HLCS: variants seen among roughly 807,000 people sequenced by gnomAD.
HLCS encodes biotin--protein ligase.
In HLCS, 53 loss-of-function variants were observed where a neutral mutation model predicts 75.0. The observed-to-expected ratio is 0.71, with a 90% CI of 0.57 to 0.89. HLCS has a LOEUF of 0.89. HLCS is among the 40% of genes least tolerant of loss of function. HLCS has a pLI of 0.00. For synonymous variants in HLCS, 431 were observed against 428.6 expected (o/e 1.01, Z -0.07); for missense variants, 966 against 1,074.0 (o/e 0.90, Z 1.41).
In HLCS at chr21:36,897,051, AAG is replaced by A. The variant is rs1555930523; in HGVS notation, c.1699_1700del (p.Leu567Ter). ...EGEIKSGQLSLRFVSSYVSEV... is the reference protein window; with the variant it reads ...EGEIKSGQLSXRFVSSYVSEV... Reference sequence around the variant, plus strand: ...CAGACACGTAGGATGAAACAAATCTAAGAGAGAGCTGGCCGGATTTTATTTCT... The same window carrying A: ...CAGACACGTAGGATGAAACAAATCTAAGAGAGCTGGCCGGATTTTATTTCT... On this transcript the variant is annotated frameshift_variant, in exon 6 of 11. Coordinates refer to ENST00000674895, the MANE Select transcript of HLCS (RefSeq NM_001352514.2). LOFTEE classifies it high-confidence loss of function. 6.2e-7 allele frequency: 1 copy of A among 1,614,148 alleles called. No homozygotes were observed. Among genetic ancestry groups the A allele is most frequent in the Non-Finnish European group, 8.5e-7 (1 of 1,179,994 alleles).
chr21:36,817,658 G>A (rs986916174), intron 6 of HLCS, among the ~76,000 whole-genome samples: 35 of 152,142 alleles, frequency 2.3e-4, no homozygotes, highest in Non-Finnish European at 1.2e-4. Context: ...CGAACTTTAC[G>A]TTAGAGACAT....
rs2123527889 is a variant in HLCS, at chr21:36,749,894, A to C, written c.*4352T>G. The C allele has an allele frequency of 6.6e-6, 1 of 152,350 alleles. No individual in the cohort carries two copies. The highest frequency in any genetic ancestry group is 1.9e-4 in the East Asian group (1 of 5,196). 9.4% of individuals were successfully genotyped at this position (152,350 alleles called of 1,614,324 possible). A position where few individuals can be genotyped will look rare whatever the true frequency, so the allele number is the denominator to read the frequency against. On this transcript the variant is annotated 3_prime_UTR_variant, in exon 11 of 11. Coordinates refer to ENST00000674895, the MANE Select transcript of HLCS (RefSeq NM_001352514.2). ...ATAACAAAGGTTACTGTTGAGAAAAAAGACCCTATCATAGATTTACAAGTG... is the reference window on the plus strand; with the variant it reads ...ATAACAAAGGTTACTGTTGAGAAAACAGACCCTATCATAGATTTACAAGTG...
intron 5 of HLCS, 107 bp from the exon 6 acceptor site, chr21:36,897,238 A>G: frequency 9.2e-7 from 1 of 1,083,138 alleles, no homozygotes. Context: ...TTCCTAATTC[A>G]TGACCAAGAA....
chr21:36,988,477 C>T (rs1045273718), intron 1 of HLCS, among the ~76,000 whole-genome samples: 3 of 152,110 alleles, frequency 2.0e-5, no homozygotes, highest in Non-Finnish European at 2.9e-5. Context: ...AAGTTGTTTC[C>T]AAAATTTTGC....
intron 6 of HLCS, among the ~76,000 whole-genome samples, chr21:36,833,614 T>TATATATATATATATATATATA (rs1569076054): frequency 2.0e-5 from 3 of 146,504 alleles, no homozygotes; most frequent in African/African-American, 7.6e-5. Context: ...TATATATATA[T>TATATATATATATATATATATA]TTGATTTGGA....
At chr21:36,757,781 G>A (rs575076121) in intron 9 of HLCS, among the ~76,000 whole-genome samples, 15 of 152,302 alleles carry the variant, frequency 9.8e-5, no homozygotes, top group African/African-American at 3.4e-4. Context: ...ACAGCAACAG[G>A]GGCAGGACTT....
At position 36,757,062 on chromosome 21, in the gene HLCS, C is replaced by A. The variant is rs914553547; in HGVS notation, c.2237-307G>T. 5.8e-6 allele frequency: 3 copies of A among 520,464 alleles called. No homozygotes were observed. In the East Asian group the frequency reaches 4.5e-4, roughly 78 times the overall value. 32.2% of individuals were successfully genotyped at this position (520,464 alleles called of 1,614,324 possible). On this transcript the variant is annotated intron_variant, in intron 9 of 10. Coordinates refer to ENST00000674895, the MANE Select transcript of HLCS (RefSeq NM_001352514.2). ...AGAAGCTATTAAATATGGGACAAAA[C>A]GTATCAGTGTTGCCTCTGAAATAAG...
intron 2 of HLCS, among the ~76,000 whole-genome samples, chr21:36,942,631 A>G (rs1185638550): frequency 6.6e-6 from 1 of 152,182 alleles, no homozygotes; most frequent in African/African-American, 2.4e-5. Flanking sequence ...AAATAGATAA[A>G]TTGAACTTCA....
At chr21:36,929,046 T>G (rs2066523106) in intron 5 of HLCS, among the ~76,000 whole-genome samples, 1 of 152,222 alleles carries the variant, frequency 6.6e-6, no homozygotes, top group South Asian at 2.1e-4. Flanking sequence ...CTGACATGGG[T>G]ATTTCAGGTT....
intron 6 of HLCS, among the ~76,000 whole-genome samples, chr21:36,808,380 C>G (rs2061419572): frequency 6.6e-6 from 1 of 152,136 alleles, no homozygotes. Context: ...CCTCTGTTCC[C>G]CATTTCCTGT....
chr21:36,794,745 A>G (rs1237836389), intron 6 of HLCS, among the ~76,000 whole-genome samples: 2 of 152,142 alleles, frequency 1.3e-5, no homozygotes, highest in Non-Finnish European at 2.9e-5. Flanking sequence ...AGGAAGAAAG[A>G]GATGTGTTCT....
chr21:36,883,761 T>C (rs531398631), intron 6 of HLCS, among the ~76,000 whole-genome samples: 1 of 152,254 alleles, frequency 6.6e-6, no homozygotes, highest in South Asian at 2.1e-4. Flanking sequence ...GACTATGCAA[T>C]GGGCTTTCCA....
chr21:36,890,168 G>A (rs868608950), intron 6 of HLCS, among the ~76,000 whole-genome samples: 16 of 152,168 alleles, frequency 1.1e-4, no homozygotes, highest in East Asian at 3.8e-4. Context: ...CTCCCCAGCC[G>A]TGCTGAACTG....
At chr21:36,760,664 G>A (rs536632387) in intron 8 of HLCS, among the ~76,000 whole-genome samples, 4 of 152,084 alleles carry the variant, frequency 2.6e-5, no homozygotes, top group South Asian at 4.1e-4. Flanking sequence ...TCACCTTAGC[G>A]AAAGCCTCGC....
At chr21:36,854,589 T>C (rs2063122579) in intron 6 of HLCS, among the ~76,000 whole-genome samples, 1 of 152,074 alleles carries the variant, frequency 6.6e-6, no homozygotes, top group Admixed American at 6.5e-5. Flanking sequence ...AAGTACTGAG[T>C]GCACTGAGGA....
At chr21:36,812,200 GC>G in intron 6 of HLCS, among the ~76,000 whole-genome samples, 1 of 152,216 alleles carries the variant, frequency 6.6e-6, no homozygotes, top group Non-Finnish European at 1.5e-5. Flanking sequence ...CTGAGGTTTT[GC>G]GGAATCAACT....
intron 6 of HLCS, among the ~76,000 whole-genome samples, chr21:36,855,386 A>C (rs2063152816): frequency 6.6e-6 from 1 of 151,772 alleles, no homozygotes; most frequent in African/African-American, 2.4e-5. Context: ...AAAAAAAAAA[A>C]AATTAGCTGG....
chr21:36,914,869 C>T (rs764107976), intron 5 of HLCS, among the ~76,000 whole-genome samples: 1 of 152,234 alleles, frequency 6.6e-6, no homozygotes, highest in South Asian at 2.1e-4. Context: ...CCAAGGAAAA[C>T]GCCCGCCATT....
intron 6 of HLCS, among the ~76,000 whole-genome samples, chr21:36,886,316 T>C (rs2064456999): frequency 6.6e-6 from 1 of 150,910 alleles, no homozygotes; most frequent in Admixed American, 6.6e-5. Flanking sequence ...GTCTGTAGTC[T>C]CAGCTACTTG....
Sources: allele counts gnomAD v4.1 joint callset (sites outside exome capture counted in the v4.1 genomes callset), GRCh38; gene constraint gnomAD v4.1.1; transcripts MANE v1.5; gene names NCBI Gene and HGNC (gene_info 2026-07-23, HGNC 2026-07-21).